The following MYH1 variants were observed in gnomAD, a reference collection of about 807,000 sequenced individuals.
MYH1 encodes myosin heavy chain 1.
In MYH1, 214 loss-of-function variants were observed where a neutral mutation model predicts 225.6. The observed-to-expected ratio is 0.95, with a 90% CI of 0.85 to 1.06. The LOEUF (loss-of-function observed/expected upper bound fraction) is 1.06, where lower values mean the gene tolerates loss of function less well. Ranked by LOEUF, MYH1 falls within the 50% of genes least tolerant of loss-of-function variation. MYH1 has a pLI of 0.00. For synonymous variants in MYH1, 774 were observed against 842.3 expected (o/e 0.92, Z 1.40); for missense variants, 2,098 against 2,344.2 (o/e 0.89, Z 2.17).
chr17:10,516,410 T>A, intron 3 of MYH1, 29 bp downstream of exon 3: 3 of 1,613,840 alleles, frequency 1.9e-6, no homozygotes, highest in Non-Finnish European at 2.5e-6. Flanking sequence ...TGAGGCAGAG[T>A]CTAATCAGCT....
chr17:10,502,022 G>T, intron 24 of MYH1, 111 bp from the exon 25 acceptor site: 13 of 1,121,866 alleles, frequency 1.2e-5, no homozygotes, highest in Non-Finnish European at 1.6e-5. Flanking sequence ...TATGAATTAG[G>T]CAGATTTGTC....
Position 10,507,926 on chromosome 17 carries a change from T to C in MYH1, c.1928A>G (p.Lys643Arg). 6.2e-7 allele frequency: 1 copy of C among 1,613,872 alleles called. No homozygotes were observed. The highest frequency in any genetic ancestry group is 8.5e-7 in the Non-Finnish European group (1 of 1,179,934). Residue 643 changes from lysine to arginine, a missense_variant, in exon 17 of 40, where the codon AAG (lysine) becomes AGG (arginine). Transcript: ENST00000226207. ...CACAGTCTGGAAAGAAGAACCCTTC[T>C]TCTTACCACCTTTCTTTCCACCGCC... ...EAGGGKKGGKKKGSSFQTVSA... is the reference protein window; with the variant it reads ...EAGGGKKGGKRKGSSFQTVSA...
At chr17:10,503,665 C>A (rs1443682907) in intron 22 of MYH1, among the ~76,000 whole-genome samples, 1 of 151,990 alleles carries the variant, frequency 6.6e-6, no homozygotes, top group Non-Finnish European at 1.5e-5. Context: ...ACAGAGTAGA[C>A]AAAGGGAATG....
At position 10,502,734 on chromosome 17, in the gene MYH1, T is replaced by G; in HGVS notation, c.3111+4A>C. On this transcript the variant is annotated splice_donor_region_variant and intron_variant, in intron 24 of 39. Transcript: ENST00000226207. ...AAATCATTTTTATATAATGTTAGGCTTACATCATCCACTTGTTGTTCAAGT... is the reference window on the plus strand; with the variant it reads ...AAATCATTTTTATATAATGTTAGGCGTACATCATCCACTTGTTGTTCAAGT... 1 of 1,614,202 alleles carries G rather than the reference T, an allele frequency of 6.2e-7. No individual in the cohort carries two copies. The highest frequency in any genetic ancestry group is 1.3e-5 in the African/African-American group (1 of 75,052).
chr17:10,512,584 A>G (rs1387996310), intron 11 of MYH1, 38 bp from the exon 12 acceptor site: 7 of 1,613,700 alleles, frequency 4.3e-6, no homozygotes, highest in Non-Finnish European at 5.9e-6. Context: ...TTAGGGCACA[A>G]GAGAATTTAT....
chr17:10,508,789 C>T (rs919551611), intron 15 of MYH1, 117 bp from the exon 16 acceptor site: 106 of 1,402,782 alleles, frequency 7.6e-5, no homozygotes, highest in African/African-American at 3.3e-4. Context: ...ACAGAGTTAA[C>T]GAAAACTCGT....
At chr17:10,495,459 ATG>A in intron 35 of MYH1, 142 bp from the exon 36 acceptor site, 1 of 1,261,932 alleles carries the variant, frequency 7.9e-7, no homozygotes. Context: ...GAGTTGACAT[ATG>A]TTTAAAAGAC....
Position 10,511,972 on chromosome 17 carries a change from C to G in MYH1, c.1283G>C (p.Gly428Ala), listed in dbSNP as rs1299839118. ...ATCGTAGACAGCTTTGGCCAGAGCA[C>G]CCACTGCATTGTACACCTTCACAGA... Reference protein sequence around the residue: ...QTVQQVYNAVGALAKAVYDKM... With the variant: ...QTVQQVYNAVAALAKAVYDKM... The change falls in exon 14 of 40, where the codon GGT (glycine) becomes GCT (alanine). Residue 428 changes from glycine (G) to alanine (A), a missense_variant. Gly to Ala is a moderately conservative substitution (Grantham distance 60). Coordinates refer to ENST00000226207, the MANE Select transcript of MYH1 (RefSeq NM_005963.4). 2 of 1,614,158 alleles carry G rather than the reference C, an allele frequency of 1.2e-6. No homozygotes were observed. The highest frequency in any genetic ancestry group is 2.7e-5 in the African/African-American group (2 of 75,032).
chr17:10,503,381 C>G (rs2073077678), intron 22 of MYH1, 133 bp from the exon 23 acceptor site: 1 of 1,285,366 alleles, frequency 7.8e-7, no homozygotes, highest in Non-Finnish European at 1.1e-6. Flanking sequence ...TTCTACCATT[C>G]AGTAAATATT....
chr17:10,505,556 A>G, intron 19 of MYH1, 45 bp from the exon 20 acceptor site: 1 of 1,602,630 alleles, frequency 6.2e-7, no homozygotes, highest in Non-Finnish European at 8.5e-7. Flanking sequence ...TGCCACAGAC[A>G]AGAAATCTTC....
chr17:10,507,870 A>C lies in MYH1; in HGVS notation c.1968+16T>G, dbSNP rs1430584139. The stretch of plus-strand genomic sequence containing the variant: ...ATATCCTAAATCTAATTAGACAGAG[A>C]AAATGAAGTTTGTACCCTGAAGAGA... On this transcript the variant is annotated intron_variant, in intron 17 of 39. Coordinates refer to ENST00000226207, the MANE Select transcript of MYH1 (RefSeq NM_005963.4). The C allele has an allele frequency of 6.2e-7, 1 of 1,604,098 alleles. No individual in the cohort carries two copies. The highest frequency in any genetic ancestry group is 2.2e-5 in the East Asian group (1 of 44,812).
chr17:10,508,431 C>G lies in MYH1; in HGVS notation c.1829G>C (p.Gly610Ala). The change falls in exon 16 of 40, where the codon GGG becomes GCG. Residue 610 changes from glycine to alanine, a missense_variant. By Grantham distance (60) the Gly-to-Ala change is moderately conservative. Coordinates refer to ENST00000226207, the MANE Select transcript of MYH1 (RefSeq NM_005963.4). ...NKDPLNETVV[G>A]LYQKSAMKTL... Reference sequence around the variant, plus strand: ...CTTCATTGCAGACTTCTGGTACAGCCCCACCACAGTCTCATTCAGGGGGTC... The same window carrying G: ...CTTCATTGCAGACTTCTGGTACAGCGCCACCACAGTCTCATTCAGGGGGTC... The G allele has an allele frequency of 6.2e-7, 1 of 1,614,140 alleles. No individual in the cohort carries two copies. Among genetic ancestry groups the G allele is most frequent in the Non-Finnish European group, 8.5e-7 (1 of 1,180,018 alleles).
Position 10,507,904 on chromosome 17 carries a change from A to C in MYH1, c.1950T>G (p.Thr650=), listed in dbSNP as rs752993214. The change falls in exon 17 of 40, where the codon ACT becomes ACG. Residue 650 remains threonine, a synonymous_variant. Transcript: ENST00000226207. Reference sequence around the variant, plus strand: ...TTTGTACCCTGAAGAGAGCAGACACAGTCTGGAAAGAAGAACCCTTCTTCT... The same window carrying C: ...TTTGTACCCTGAAGAGAGCAGACACCGTCTGGAAAGAAGAACCCTTCTTCT... ...GGKKKGSSFQ[T]VSALFRENLN... The C allele has an allele frequency of 6.2e-7, 1 of 1,613,662 alleles. No homozygotes were observed. Among genetic ancestry groups the C allele is most frequent in the East Asian group, 2.2e-5 (1 of 44,894 alleles).
chr17:10,499,481 T>C (rs1159913855), intron 28 of MYH1, among the ~76,000 whole-genome samples: 4 of 152,222 alleles, frequency 2.6e-5, no homozygotes, highest in Non-Finnish European at 5.9e-5. Flanking sequence ...AAAGGATTTA[T>C]ACTGTGGAAA....
intron 27 of MYH1, 91 bp downstream of exon 27, chr17:10,501,019 T>TAA (rs2142262254): frequency 6.4e-7 from 1 of 1,559,024 alleles, no homozygotes; most frequent in Non-Finnish European, 8.7e-7. Flanking sequence ...GTGCCTGATT[T>TAA]AGTTCATGAG....
At chr17:10,496,719 T>A (rs1208075345) in intron 33 of MYH1, among the ~76,000 whole-genome samples, 170 bp from the exon 34 acceptor site, 1 of 152,242 alleles carries the variant, frequency 6.6e-6, no homozygotes, top group Non-Finnish European at 1.5e-5. Context: ...TGCTATTCTC[T>A]AACACACACA....
chr17:10,508,082 G>A, intron 16 of MYH1, 126 bp from the exon 17 acceptor site: 1 of 776,074 alleles, frequency 1.3e-6, no homozygotes, highest in Non-Finnish European at 2.1e-6. Context: ...GCAGTGGCGT[G>A]ATCTCGGCTC....
chr17:10,497,829 T>G lies in MYH1; in HGVS notation c.4270A>C (p.Arg1424=). 6.2e-7 allele frequency: 1 copy of G among 1,614,094 alleles called. No homozygotes were observed. Residue 1424 remains arginine, a synonymous_variant, in exon 31 of 40, where the codon AGG becomes CGG. Transcript: ENST00000226207. The part of the protein sequence containing the change: ...KCASLEKTKQ[R]LQNEVEDLMI... ...AGGTCCTCAACTTCATTCTGGAGCC[T>G]CTGCTTCGTCTTCTCAAGGGAAGCA... is the stretch of plus-strand genomic sequence containing the variant.
In MYH1 at chr17:10,506,064, G is replaced by T; in HGVS notation, c.2004C>A (p.Ser668Arg). The change falls in exon 18 of 40, where the codon AGC becomes AGA. Residue 668 changes from serine (S) to arginine (R), a missense_variant. By Grantham distance (110) the Ser-to-Arg change is moderately radical. Coordinates refer to ENST00000226207, the MANE Select transcript of MYH1 (RefSeq NM_005963.4). ...TGCACCGCACAAAGTGGGGGTGAGT[G>T]CTCCTCAAGTTGGTCATCAGCTTAT... The part of the protein sequence containing the change: ...NLNKLMTNLR[S>R]THPHFVRCII... 1.2e-6 allele frequency: 2 copies of T among 1,614,174 alleles called. No individual in the cohort carries two copies. The highest frequency in any genetic ancestry group is 1.7e-6 in the Non-Finnish European group (2 of 1,180,032).
Sources: allele counts gnomAD v4.1 joint callset (sites outside exome capture counted in the v4.1 genomes callset), GRCh38; gene constraint gnomAD v4.1.1; transcripts MANE v1.5; gene names NCBI Gene and HGNC (gene_info 2026-07-23, HGNC 2026-07-21).